MARS2: variants seen among roughly 807,000 people sequenced by gnomAD.
The protein encoded by MARS2 is methionyl-tRNA synthetase 2, mitochondrial.
In MARS2, 33 loss-of-function variants were observed where a neutral mutation model predicts 43.8. The observed-to-expected ratio is 0.75, with a 90% CI of 0.57 to 1.01. The LOEUF is 1.01. Among genes scored for constraint, MARS2 ranks in the 50% least tolerant of loss-of-function variants. MARS2 has a pLI of 0.00. For synonymous variants in MARS2, 351 were observed against 325.5 expected, an observed-to-expected ratio of 1.08 and a Z score of -0.84; for missense variants, 720 against 763.0, an observed-to-expected ratio of 0.94 and a Z score of 0.66.
Position 197,706,932 on chromosome 2 carries a change from G to A in MARS2, c.1527G>A (p.Val509=), listed in dbSNP as rs1329834538. ...TGGATGCTCCCTGGCTGGGTACTGT[G>A]CTTCATGTGGCCTTGGAATGTTTGC... is the stretch of plus-strand genomic sequence containing the variant. ...SPVDAPWLGT[V]LHVALECLRV... Residue 509 remains valine, a synonymous_variant, in exon 1 of 1, where the codon GTG becomes GTA. Transcript: ENST00000282276. 6.2e-7 allele frequency: 1 copy of A among 1,614,076 alleles called. No individual in the cohort carries two copies. Among genetic ancestry groups the A allele is most frequent in the African/African-American group, 1.3e-5 (1 of 74,944 alleles).
In MARS2 at chr2:197,706,128, A is replaced by T; in HGVS notation, c.723A>T (p.Val241=). The T allele has an allele frequency of 1.2e-6, 2 of 1,614,140 alleles. No homozygotes were observed. Among genetic ancestry groups the T allele is most frequent in the Non-Finnish European group, 1.7e-6 (2 of 1,180,026 alleles). Residue 241 remains valine (V), a synonymous_variant, in exon 1 of 1, where the codon GTA becomes GTT. Transcript: ENST00000282276. ...TCACCCCCGAACCATTTCATCACGTAGTTCTTCAGTGGCTGGACGAGGAGC... is the reference window on the plus strand; with the variant it reads ...TCACCCCCGAACCATTTCATCACGTTGTTCTTCAGTGGCTGGACGAGGAGC... The part of the protein sequence containing the change: ...QAITPEPFHH[V]VLQWLDEELP...
Position 197,705,806 on chromosome 2 carries a change from A to C in MARS2, c.401A>C (p.Asp134Ala), listed in dbSNP as rs1559379192. The C allele has an allele frequency of 6.2e-7, 1 of 1,613,636 alleles. No homozygotes were observed. The highest frequency in any genetic ancestry group is 1.7e-5 in the Admixed American group (1 of 60,026). ...LFQEAGISCT[D>A]FIRTTEARHR... ...CAGGAGGCCGGTATCTCCTGCACAG[A>C]TTTCATCCGCACCACGGAGGCCCGG... The change falls in exon 1 of 1, where the codon GAT (aspartate) becomes GCT (alanine). Residue 134 changes from aspartate to alanine, a missense_variant. Coordinates refer to ENST00000282276, the MANE Select transcript of MARS2 (RefSeq NM_138395.4).
In MARS2 at chr2:197,706,167, C is replaced by T. The variant is rs2089473707; in HGVS notation, c.762C>T (p.Ser254=). The change falls in exon 1 of 1, where the codon TCC becomes TCT. Residue 254 remains serine (S), a synonymous_variant. Transcript: ENST00000282276. ...TGGACGAGGAGCTGCCCGACCTGTCCGTGTCTCGCAGAAGTAGCCACTTGC... is the reference window on the plus strand; with the variant it reads ...TGGACGAGGAGCTGCCCGACCTGTCTGTGTCTCGCAGAAGTAGCCACTTGC... ...QWLDEELPDL[S]VSRRSSHLHW... is the part of the protein sequence containing the mutation. 2 of 1,614,194 alleles carry T rather than the reference C, an allele frequency of 1.2e-6. No individual in the cohort carries two copies. Among genetic ancestry groups the T allele is most frequent in the Non-Finnish European group, 1.7e-6 (2 of 1,180,048 alleles).
Position 197,706,814 on chromosome 2 carries a change from A to T in MARS2, c.1409A>T (p.Tyr470Phe). The part of the protein sequence containing the change: ...VADHYDNFRI[Y>F]KALEAVSSCV... ...GACCACTATGATAACTTTCGGATAT[A>T]TAAGGCTCTGGAGGCCGTGTCCAGC... Residue 470 changes from tyrosine to phenylalanine, a missense_variant, in exon 1 of 1, where the codon TAT becomes TTT. Tyr to Phe is a conservative substitution (Grantham distance 22). Transcript: ENST00000282276. 6.2e-7 allele frequency: 1 copy of T among 1,614,166 alleles called. No homozygotes were observed. Among genetic ancestry groups the T allele is most frequent in the Non-Finnish European group, 8.5e-7 (1 of 1,180,048 alleles).
chr2:197,706,478 C>G lies in MARS2; in HGVS notation c.1073C>G (p.Pro358Arg), dbSNP rs2089476448. ...MSKSLGNVVD[P>R]RTCLNRYTVD... ...AAGAGCTTGGGCAACGTGGTGGATC[C>G]TAGGACTTGCCTTAACCGCTATACC... is the stretch of plus-strand genomic sequence containing the variant. The change falls in exon 1 of 1, where the codon CCT becomes CGT. Residue 358 changes from proline to arginine, a missense_variant. Physicochemically the swap from Pro to Arg is moderately radical, Grantham distance 103. Coordinates refer to ENST00000282276, the MANE Select transcript of MARS2 (RefSeq NM_138395.4). 9 of 1,613,660 alleles carry G rather than the reference C, an allele frequency of 5.6e-6. No homozygotes were observed. The highest frequency in any genetic ancestry group is 5.9e-6 in the Non-Finnish European group (7 of 1,180,022).
At position 197,706,549 on chromosome 2, in the gene MARS2, T is replaced by C. The variant is rs1303555096; in HGVS notation, c.1144T>C (p.Trp382Arg). 6.2e-7 allele frequency: 1 copy of C among 1,614,246 alleles called. No homozygotes were observed. Among genetic ancestry groups the C allele is most frequent in the Non-Finnish European group, 8.5e-7 (1 of 1,180,050 alleles). The stretch of plus-strand genomic sequence containing the variant: ...TCTCCTTCGGCAGGGCGTCCCCAAC[T>C]GGGACTGTGACTACTATGATGAAAA... ...YFLLRQGVPN[W>R]DCDYYDEKVV... Residue 382 changes from tryptophan to arginine, a missense_variant, in exon 1 of 1, where the codon TGG (tryptophan) becomes CGG (arginine). Trp to Arg is a moderately radical substitution (Grantham distance 101, BLOSUM62 -3). Coordinates refer to ENST00000282276, the MANE Select transcript of MARS2 (RefSeq NM_138395.4).
At position 197,705,420 on chromosome 2, in the gene MARS2, C is replaced by A. The variant is rs945581948; in HGVS notation, c.15C>A (p.Ser5=). The A allele has an allele frequency of 4.3e-6, 7 of 1,610,050 alleles. No homozygotes were observed. Among genetic ancestry groups the A allele is most frequent in the African/African-American group, 1.3e-5 (1 of 74,878 alleles). The change falls in exon 1 of 1, where the codon TCC becomes TCA. Residue 5 remains serine, a synonymous_variant. Coordinates refer to ENST00000282276, the MANE Select transcript of MARS2 (RefSeq NM_138395.4). The part of the protein sequence containing the change: MLRT[S]VLRLLGRTGA... ...CGGTCTGCACCATGCTGCGAACGTC[C>A]GTCCTCCGCCTGCTAGGACGCACGG...
chr2:197,706,277 G>A lies in MARS2; in HGVS notation c.872G>A (p.Gly291Asp), dbSNP rs2106292973. 6.2e-7 allele frequency: 1 copy of A among 1,614,172 alleles called. No individual in the cohort carries two copies. The highest frequency in any genetic ancestry group is 1.3e-5 in the African/African-American group (1 of 75,038). ...CTGGTCAACTACCTCACTGTAATTG[G>A]CTACCCAAATGCTGAGTTCAAATCT... ...DALVNYLTVI[G>D]YPNAEFKSWW... The change falls in exon 1 of 1, where the codon GGC becomes GAC. Residue 291 changes from glycine to aspartate, a missense_variant. Transcript: ENST00000282276.
Position 197,705,443 on chromosome 2 carries a change from C to G in MARS2, c.38C>G (p.Thr13Arg), listed in dbSNP as rs752147959. 1 of 1,612,130 alleles carries G rather than the reference C, an allele frequency of 6.2e-7. No individual in the cohort carries two copies. The highest frequency in any genetic ancestry group is 1.3e-5 in the African/African-American group (1 of 74,916). Reference sequence around the variant, plus strand: ...TCCGTCCTCCGCCTGCTAGGACGCACGGGGGCTAGTAGGCTGTCTCTCCTG... The same window carrying G: ...TCCGTCCTCCGCCTGCTAGGACGCAGGGGGGCTAGTAGGCTGTCTCTCCTG... Reference protein sequence around the residue: ...RTSVLRLLGRTGASRLSLLED... With the variant: ...RTSVLRLLGRRGASRLSLLED... Residue 13 changes from threonine (T) to arginine (R), a missense_variant, in exon 1 of 1, where the codon ACG becomes AGG. Thr to Arg is a moderately conservative substitution (Grantham distance 71). Transcript: ENST00000282276.
rs1239528690 is a variant in MARS2 at position 197,705,755 on chromosome 2, T to A, written c.350T>A (p.Val117Asp). ...GLAPTELCDR[V>D]SEQFQQLFQE... ...GCCCCGACCGAGCTGTGCGACCGAGTCTCTGAGCAGTTCCAGCAGCTTTTC... is the reference window on the plus strand; with the variant it reads ...GCCCCGACCGAGCTGTGCGACCGAGACTCTGAGCAGTTCCAGCAGCTTTTC... Residue 117 changes from valine to aspartate, a missense_variant, in exon 1 of 1, where the codon GTC becomes GAC. Val to Asp is a radical substitution (Grantham distance 152). Transcript: ENST00000282276. 6.2e-7 allele frequency: 1 copy of A among 1,612,798 alleles called. No individual in the cohort carries two copies. Among genetic ancestry groups the A allele is most frequent in the Non-Finnish European group, 8.5e-7 (1 of 1,180,016 alleles).
rs1038281058 is a variant in MARS2, at chr2:197,706,053, C to T, written c.648C>T (p.Ser216=). 1.3e-5 allele frequency: 21 copies of T among 1,614,122 alleles called. No homozygotes were observed. The highest frequency in any genetic ancestry group is 1.8e-5 in the Non-Finnish European group (21 of 1,180,038). The change falls in exon 1 of 1, where the codon TCC becomes TCT. Residue 216 remains serine (S), a synonymous_variant. Coordinates refer to ENST00000282276, the MANE Select transcript of MARS2 (RefSeq NM_138395.4). ...TKEENYIFRL[S]QFRKPLQRWL... The stretch of plus-strand genomic sequence containing the variant: ...AAGAAAACTACATTTTCAGGCTTTC[C>T]CAGTTCCGGAAGCCACTCCAGCGGT...
rs770838885 is a variant in MARS2, at chr2:197,706,989, C to A, written c.1584C>A (p.Thr528=). 1.4e-5 allele frequency: 22 copies of A among 1,614,050 alleles called. No individual in the cohort carries two copies. The highest frequency in any genetic ancestry group is 1.8e-5 in the Non-Finnish European group (21 of 1,180,042). The change falls in exon 1 of 1, where the codon ACC becomes ACA. Residue 528 remains threonine (T), a synonymous_variant. Coordinates refer to ENST00000282276, the MANE Select transcript of MARS2 (RefSeq NM_138395.4). The part of the protein sequence containing the change: ...RVFGTLLQPV[T]PSLADKLLSR... ...TTGGGACTTTGCTGCAGCCTGTCAC[C>A]CCAAGCCTAGCTGACAAGCTGCTGT...
In MARS2 at chr2:197,706,793, A is replaced by G. The variant is rs1181011616; in HGVS notation, c.1388A>G (p.His463Arg). The change falls in exon 1 of 1, where the codon CAC (histidine) becomes CGC (arginine). Residue 463 changes from histidine to arginine, a missense_variant. Transcript: ENST00000282276. Reference protein sequence around the residue: ...VATLPKQVADHYDNFRIYKAL... With the variant: ...VATLPKQVADRYDNFRIYKAL... ...ACTTTGCCAAAGCAGGTAGCAGACC[A>G]CTATGATAACTTTCGGATATATAAG... is the stretch of plus-strand genomic sequence containing the variant. 4 of 1,614,150 alleles carry G rather than the reference A, an allele frequency of 2.5e-6. No individual in the cohort carries two copies. Among genetic ancestry groups the G allele is most frequent in the Non-Finnish European group, 3.4e-6 (4 of 1,180,038 alleles).
chr2:197,705,741 GC>G lies in MARS2; in HGVS notation c.337del (p.Leu113CysfsTer129). On this transcript the variant is annotated frameshift_variant, in exon 1 of 1. Transcript: ENST00000282276. LOFTEE classifies it high-confidence loss of function. Reference sequence around the variant, plus strand: ...CTACCGCGGGCCTGGCCCCGACCGAGCTGTGCGACCGAGTCTCTGAGCAGTT... The same window carrying G: ...CTACCGCGGGCCTGGCCCCGACCGAGTGTGCGACCGAGTCTCTGAGCAGTT... The part of the protein sequence containing the change: ...AATAGLAPTE[L>X]CDRVSEQFQQ... 1 of 1,612,504 alleles carries G rather than the reference GC, an allele frequency of 6.2e-7. No individual in the cohort carries two copies. Among genetic ancestry groups the G allele is most frequent in the Non-Finnish European group, 8.5e-7 (1 of 1,180,042 alleles).
At position 197,705,604 on chromosome 2, in the gene MARS2, C is replaced by A. The variant is rs147398599; in HGVS notation, c.199C>A (p.Leu67Ile). 3 of 1,612,660 alleles carry A rather than the reference C, an allele frequency of 1.9e-6. No individual in the cohort carries two copies. The highest frequency in any genetic ancestry group is 1.1e-5 in the South Asian group (1 of 91,050). ...APHIGHLYSA[L>I]LADALCRHRR... ...GCACATCGGGCACCTGTACTCGGCA[C>A]TACTGGCGGACGCCCTATGCCGCCA... The change falls in exon 1 of 1, where the codon CTA becomes ATA. Residue 67 changes from leucine to isoleucine, a missense_variant. Leu to Ile is a conservative substitution (Grantham distance 5). Transcript: ENST00000282276.
Position 197,706,920 on chromosome 2 carries a change from G to T in MARS2, c.1515G>T (p.Trp505Cys). 1 of 1,614,178 alleles carries T rather than the reference G, an allele frequency of 6.2e-7. No homozygotes were observed. The highest frequency in any genetic ancestry group is 1.6e-4 in the Middle Eastern group (1 of 6,062). Residue 505 changes from tryptophan (W) to cysteine (C), a missense_variant, in exon 1 of 1, where the codon TGG becomes TGT. Trp to Cys is a radical substitution (Grantham distance 215). Coordinates refer to ENST00000282276, the MANE Select transcript of MARS2 (RefSeq NM_138395.4). ...GGGAGAGCCCAGTGGATGCTCCCTG[G>T]CTGGGTACTGTGCTTCATGTGGCCT... ...LNWESPVDAP[W>C]LGTVLHVALE...
chr2:197,706,537 G>T lies in MARS2; in HGVS notation c.1132G>T (p.Gly378Cys). Residue 378 changes from glycine (G) to cysteine (C), a missense_variant, in exon 1 of 1, where the codon GGC (glycine) becomes TGC (cysteine). Gly to Cys is a radical substitution (Grantham distance 159). Coordinates refer to ENST00000282276, the MANE Select transcript of MARS2 (RefSeq NM_138395.4). ...CTTCCGCTACTTTCTCCTTCGGCAG[G>T]GCGTCCCCAACTGGGACTGTGACTA... ...DGFRYFLLRQGVPNWDCDYYD... is the reference protein window; with the variant it reads ...DGFRYFLLRQCVPNWDCDYYD... The T allele has an allele frequency of 6.2e-7, 1 of 1,614,190 alleles. No individual in the cohort carries two copies. The highest frequency in any genetic ancestry group is 1.6e-4 in the Middle Eastern group (1 of 6,062).
chr2:197,706,099 GCGATCACCCCCGAACCATTT>G lies in MARS2; in HGVS notation c.696_715del (p.Ile233SerfsTer21), dbSNP rs1436054883. 1 of 1,614,040 alleles carries G rather than the reference GCGATCACCCCCGAACCATTT, an allele frequency of 6.2e-7. No homozygotes were observed. The highest frequency in any genetic ancestry group is 8.5e-7 in the Non-Finnish European group (1 of 1,180,048). On this transcript the variant is annotated frameshift_variant, in exon 1 of 1. Transcript: ENST00000282276. LOFTEE classifies it high-confidence loss of function. ...GCGGTGGCTGCGGGGCAACCCTCAG[GCGATCACCCCCGAACCATTT>G]CATCACGTAGTTCTTCAGTGGCTGG...
Position 197,706,621 on chromosome 2 carries a change from C to G in MARS2, c.1216C>G (p.Leu406Val), listed in dbSNP as rs1293772676. The part of the protein sequence containing the change: ...NSELADALGG[L>V]LNRCTAKRIN... ...CGAGCTGGCAGATGCCTTGGGAGGT[C>G]TCTTGAACCGATGCACTGCCAAAAG... Residue 406 changes from leucine (L) to valine (V), a missense_variant, in exon 1 of 1, where the codon CTC becomes GTC. Transcript: ENST00000282276. The G allele has an allele frequency of 3.1e-6, 5 of 1,614,114 alleles. No individual in the cohort carries two copies. In the African/African-American group the frequency reaches 5.3e-5, roughly 17 times the overall value.
Sources: gnomAD v4.1 joint callset for allele counts on GRCh38, gnomAD v4.1.1 for gene constraint, MANE v1.5 for transcripts, NCBI Gene and HGNC (gene_info 2026-07-23, HGNC 2026-07-21) for gene names.